KRABD3: variants seen among roughly 807,000 people sequenced by gnomAD.
KRABD3 encodes the protein KRAB domain-containing protein 3.
the KRABD3 span, chr7:149,734,331 G>T: frequency 1.1e-5 from 5 of 462,310 alleles, no homozygotes; most frequent in African/African-American, 2.0e-5. Context: ...CAAGCTTGTA[G>T]GTGGGTGGTG....
chr7:149,718,531 T>C, the KRABD3 span, among the ~76,000 whole-genome samples: 1 of 146,432 alleles, frequency 6.8e-6, no homozygotes, highest in Admixed American at 6.8e-5. Context: ...TTTTTTTTTT[T>C]TTTTTGAGAT....
At chr7:149,725,293 A>G in the KRABD3 span, 2 of 1,552,194 alleles carry the variant, frequency 1.3e-6, no homozygotes, top group South Asian at 1.2e-5. Context: ...AGATGGTAAC[A>G]GGGTGCTCTC....
the KRABD3 span, chr7:149,731,527 C>T: frequency 1.4e-6 from 1 of 700,094 alleles, no homozygotes; most frequent in Non-Finnish European, 2.4e-6. Context: ...CAGAATTAGG[C>T]TCCCTCATGG....
chr7:149,734,107 G>T, the KRABD3 span: 1 of 1,528,772 alleles, frequency 6.5e-7, no homozygotes, highest in Non-Finnish European at 8.8e-7. Context: ...TGGCGTGGAA[G>T]CCCTGTCACC....
the KRABD3 span, chr7:149,729,124 C>T: frequency 1.4e-5 from 18 of 1,303,324 alleles, no homozygotes; most frequent in Non-Finnish European, 1.8e-5. Flanking sequence ...TTCCCTGTCC[C>T]TTCTTCTGTG....
chr7:149,720,774 C>T, the KRABD3 span: 92 of 1,486,734 alleles, frequency 6.2e-5, no homozygotes, highest in Non-Finnish European at 8.1e-5. Context: ...AAAACACGCA[C>T]GTAGGTGTGA....
the KRABD3 span, among the ~76,000 whole-genome samples, chr7:149,732,106 G>A: frequency 6.6e-6 from 1 of 152,184 alleles, no homozygotes. The surrounding 1 kb of genome is among the most constrained non-coding windows in gnomAD (Gnocchi z 4.0). Context: ...TCACACACGT[G>A]CCCCTACGGA....
At chr7:149,733,251 C>G in the KRABD3 span, 6 of 1,611,706 alleles carry the variant, frequency 3.7e-6, no homozygotes, top group Non-Finnish European at 5.1e-6. Flanking sequence ...CCTGAGCTGC[C>G]CAGTGAGTCT....
the KRABD3 span, chr7:149,730,115 G>C: frequency 1.4e-6 from 2 of 1,463,768 alleles, no homozygotes; most frequent in Non-Finnish European, 1.8e-6. Context: ...TCTTCAGGCT[G>C]ATGACAGAGC....
chr7:149,733,316 T>G, the KRABD3 span: 1 of 1,612,436 alleles, frequency 6.2e-7, no homozygotes, highest in South Asian at 1.1e-5. Context: ...GCCAGCCTCC[T>G]CCCTGCAGCC....
the KRABD3 span, chr7:149,725,580 C>A: frequency 7.7e-7 from 1 of 1,292,764 alleles, no homozygotes; most frequent in Non-Finnish European, 1.0e-6. Context: ...TGTTCCCCGG[C>A]CTCCTGAGAC....
the KRABD3 span, chr7:149,724,744 C>T: frequency 6.4e-7 from 1 of 1,558,554 alleles, no homozygotes; most frequent in Non-Finnish European, 8.7e-7. Context: ...GGTCCAGAGC[C>T]CCCCAGGACC....
chr7:149,727,835 G>T, the KRABD3 span, among the ~76,000 whole-genome samples: 2,900 of 152,260 alleles, frequency 0.019, 107 homozygotes, highest in African/African-American at 0.065. Flanking sequence ...CTGGTTTCCA[G>T]CCCTTCCTGG....
the KRABD3 span, among the ~76,000 whole-genome samples, chr7:149,720,532 T>C: frequency 3.3e-5 from 5 of 152,154 alleles, no homozygotes; most frequent in Non-Finnish European, 7.4e-5. Flanking sequence ...AGGGCCCAGA[T>C]GGTGGAAGAA....
At chr7:149,726,854 G>A in the KRABD3 span, among the ~76,000 whole-genome samples, 1 of 152,158 alleles carries the variant, frequency 6.6e-6, no homozygotes, top group East Asian at 1.9e-4. Flanking sequence ...GCTGCAGTGA[G>A]CTATGTTCAC....
the KRABD3 span, chr7:149,729,850 G>A: frequency 1.7e-5 from 17 of 985,280 alleles, no homozygotes; most frequent in East Asian, 1.1e-4. Flanking sequence ...GGGAGAAGCC[G>A]CCTGGCCTGT....
At chr7:149,728,382 C>T in the KRABD3 span, 1 of 994,638 alleles carries the variant, frequency 1.0e-6, no homozygotes, top group Non-Finnish European at 1.5e-6. Flanking sequence ...CGCGCCAGAG[C>T]CAGGACTGAC....
the KRABD3 span, among the ~76,000 whole-genome samples, chr7:149,728,017 A>G: frequency 6.6e-6 from 1 of 152,268 alleles, no homozygotes; most frequent in Non-Finnish European, 1.5e-5. Flanking sequence ...GTTTCAGTCC[A>G]TCTAGTTCCT....
chr7:149,728,597 C>G, the KRABD3 span: 2 of 1,613,756 alleles, frequency 1.2e-6, no homozygotes, highest in Non-Finnish European at 1.7e-6. Flanking sequence ...TGTGCTGCGG[C>G]CTGCCTGGCC....
Sources: allele counts gnomAD v4.1 joint callset (sites outside exome capture counted in the v4.1 genomes callset), GRCh38; gene constraint gnomAD v4.1.1; non-coding constraint Gnocchi (gnomAD v3.1); transcripts MANE v1.5; gene names NCBI Gene and HGNC (gene_info 2026-07-23, HGNC 2026-07-21).